The following PLA2G15 variants were observed in gnomAD, a reference collection of about 807,000 sequenced individuals.
PLA2G15 encodes lysosomal phospholipase A and acyltransferase.
PLA2G15 carries 20 observed loss-of-function variants against 40.9 expected under a neutral mutation model. That is an observed-to-expected ratio of 0.49 (90% CI 0.34 to 0.71). The LOEUF is 0.71. PLA2G15 is among the 30% of genes least tolerant of loss of function. The pLI, the probability that PLA2G15 is intolerant of heterozygous loss-of-function variation, is 0.01. For missense variants in PLA2G15, 471 were observed against 541.9 expected (o/e 0.87, Z 1.30); for synonymous variants, 223 against 228.2 (o/e 0.98, Z 0.21).
In PLA2G15 at chr16:68,260,117, A is replaced by C. The variant is rs1238413995; in HGVS notation, c.*460A>C. 6.0e-6 allele frequency: 1 copy of C among 165,558 alleles called. No homozygotes were observed. Among genetic ancestry groups the C allele is most frequent in the Non-Finnish European group, 1.3e-5 (1 of 75,654 alleles). 10.3% of individuals were successfully genotyped at this position (165,558 alleles called of 1,614,324 possible). On this transcript the variant is annotated 3_prime_UTR_variant, in exon 6 of 6. Transcript: ENST00000219345. ...CCTGGCCCCTCGGGTGACCCTTCCC[A>C]CACACCAGCCACAGATAGGCCTGCC... is the stretch of plus-strand genomic sequence containing the variant.
intron 1 of PLA2G15, 21 bp from the exon 2 acceptor site, chr16:68,249,269 C>T (rs376660465): frequency 1.9e-6 from 3 of 1,612,654 alleles, no homozygotes; most frequent in South Asian, 1.1e-5. Context: ...AGGGCTCACA[C>T]ATGTCCTGTG....
In PLA2G15 at chr16:68,260,027, G is replaced by A. The variant is rs568744796; in HGVS notation, c.*370G>A. ...TACTTGCCTACTGGGCCCTGGCCCC[G>A]CAGCCTTCCTATGAGGGATGTTACT... On this transcript the variant is annotated 3_prime_UTR_variant, in exon 6 of 6. Transcript: ENST00000219345. 27 of 274,330 alleles carry A rather than the reference G, an allele frequency of 9.8e-5. No individual in the cohort carries two copies. The highest frequency in any genetic ancestry group is 6.7e-4 in the South Asian group (15 of 22,298). The allele number at this position is 274,330 out of a possible 1,614,324, so 17.0% of individuals were successfully genotyped here.
chr16:68,259,715 C>T lies in PLA2G15; in HGVS notation c.*58C>T. 1.3e-6 allele frequency: 2 copies of T among 1,537,394 alleles called. No individual in the cohort carries two copies. Among genetic ancestry groups the T allele is most frequent in the Non-Finnish European group, 1.8e-6 (2 of 1,134,222 alleles). ...GTGGACCTGCTGTTGGCCTCTGGGG[C>T]TGTCATGGCCCACGCGTTTTGCAAA... On this transcript the variant is annotated 3_prime_UTR_variant, in exon 6 of 6. Coordinates refer to ENST00000219345, the MANE Select transcript of PLA2G15 (RefSeq NM_012320.4). This position sits in a 1 kb window ranked among gnomAD's most constrained non-coding sequence, Gnocchi z 6.5.
At chr16:68,252,850 G>T (rs1319036378) in intron 2 of PLA2G15, among the ~76,000 whole-genome samples, 2 of 152,078 alleles carry the variant, frequency 1.3e-5, no homozygotes, top group Non-Finnish European at 2.9e-5. Context: ...ACCTGGTGGT[G>T]CCTGCCTAGC....
In PLA2G15 at chr16:68,259,098, C is replaced by A; in HGVS notation, c.728-48C>A. 2 of 1,545,874 alleles carry A rather than the reference C, an allele frequency of 1.3e-6. No homozygotes were observed. The highest frequency in any genetic ancestry group is 1.7e-6 in the Non-Finnish European group (2 of 1,143,368). On this transcript the variant is annotated intron_variant, in intron 5 of 5. Transcript: ENST00000219345. This position sits in a 1 kb window ranked among gnomAD's most constrained non-coding sequence, Gnocchi z 6.5. Reference sequence around the variant, plus strand: ...GCCTGGTGGTGAACATGCTGCCCAACCAGCTGGCATTCCTAAGCACAGACT... The same window carrying A: ...GCCTGGTGGTGAACATGCTGCCCAAACAGCTGGCATTCCTAAGCACAGACT...
At chr16:68,258,990 T>A in intron 5 of PLA2G15, 156 bp from the exon 6 acceptor site, 1 of 637,362 alleles carries the variant, frequency 1.6e-6, no homozygotes, top group Non-Finnish European at 2.7e-6. Context: ...AAGGCAGGGA[T>A]GGGAGTCACA....
chr16:68,248,792 C>T lies in PLA2G15; in HGVS notation c.128-498C>T, dbSNP rs373782236. Reference sequence around the variant, plus strand: ...TCCCAGGCAGAGCTCCCATCGGGGTCCATTAACCATAGAAACCATGTGTAG... The same window carrying T: ...TCCCAGGCAGAGCTCCCATCGGGGTTCATTAACCATAGAAACCATGTGTAG... On this transcript the variant is annotated intron_variant, in intron 1 of 5. Transcript: ENST00000219345. 6 of 816,680 alleles carry T rather than the reference C, an allele frequency of 7.3e-6. No individual in the cohort carries two copies. The African/African-American group carries it at 1.1e-4, about 15-fold the overall frequency. The allele number at this position is 816,680 out of a possible 1,614,324, so 50.6% of individuals were successfully genotyped here. A position where few individuals can be genotyped will look rare whatever the true frequency, so the allele number is the denominator to read the frequency against.
intron 1 of PLA2G15, among the ~76,000 whole-genome samples, chr16:68,247,507 A>G (rs1177414384): frequency 6.6e-6 from 1 of 152,160 alleles, no homozygotes; most frequent in Non-Finnish European, 1.5e-5. Flanking sequence ...CAGCCTGACC[A>G]GGGTAAGGAG....
At chr16:68,253,450 C>A in intron 2 of PLA2G15, 1 of 438,112 alleles carries the variant, frequency 2.3e-6, no homozygotes, top group Admixed American at 2.4e-5. Flanking sequence ...AATCTCGGCT[C>A]ACTACACCTC....
rs946640352 is a variant in PLA2G15 at position 68,260,721 on chromosome 16, C to T, written c.*1064C>T. Reference sequence around the variant, plus strand: ...ATGGGACCCTGAGAGAGCCAGGGGTCCCCTGAGGCCCCCCTAGGGGCTTTC... The same window carrying T: ...ATGGGACCCTGAGAGAGCCAGGGGTTCCCTGAGGCCCCCCTAGGGGCTTTC... On this transcript the variant is annotated 3_prime_UTR_variant, in exon 6 of 6. Coordinates refer to ENST00000219345, the MANE Select transcript of PLA2G15 (RefSeq NM_012320.4). The T allele has an allele frequency of 1.3e-4, 20 of 152,220 alleles. No individual in the cohort carries two copies. The highest frequency in any genetic ancestry group is 2.4e-4 in the Non-Finnish European group (16 of 68,042). 9.4% of individuals were successfully genotyped at this position (152,220 alleles called of 1,614,324 possible). A position where few individuals can be genotyped will look rare whatever the true frequency, so the allele number is the denominator to read the frequency against.
chr16:68,247,695 G>A (rs185449059), intron 1 of PLA2G15, among the ~76,000 whole-genome samples: 15 of 152,336 alleles, frequency 9.8e-5, no homozygotes, highest in African/African-American at 2.9e-4. Flanking sequence ...GGCATGTGCC[G>A]CCCCTGCCTC....
intron 2 of PLA2G15, among the ~76,000 whole-genome samples, chr16:68,252,328 C>A (rs1188079080): frequency 1.3e-5 from 2 of 152,110 alleles, no homozygotes; most frequent in Non-Finnish European, 2.9e-5. Flanking sequence ...TCTAAGTGGG[C>A]AAGTGGGACT....
intron 2 of PLA2G15, among the ~76,000 whole-genome samples, chr16:68,251,800 C>T (rs1336260763): frequency 6.7e-6 from 1 of 148,908 alleles, no homozygotes; most frequent in Non-Finnish European, 1.5e-5. Flanking sequence ...GCAGAGGTTG[C>T]AGTGAGCAGA....
intron 5 of PLA2G15, among the ~76,000 whole-genome samples, chr16:68,258,502 C>CA (rs374239147): frequency 1.2e-4 from 18 of 150,718 alleles, no homozygotes; most frequent in East Asian, 9.7e-4. Flanking sequence ...GTGAGGAAAG[C>CA]AAAAAAAACA....
In PLA2G15 at chr16:68,245,406, C is replaced by T. The variant is rs779620825; in HGVS notation, c.-21C>T. 5.6e-6 allele frequency: 9 copies of T among 1,600,960 alleles called. No homozygotes were observed. The East Asian group carries it at 1.3e-4, about 24-fold the overall frequency. On this transcript the variant is annotated 5_prime_UTR_variant, in exon 1 of 6. Coordinates refer to ENST00000219345, the MANE Select transcript of PLA2G15 (RefSeq NM_012320.4). ...AGAGAGCTGAACCTGCATCCCGGACCTGCGGCGACCGTCGTACACCATGGG... is the reference window on the plus strand; with the variant it reads ...AGAGAGCTGAACCTGCATCCCGGACTTGCGGCGACCGTCGTACACCATGGG...
At chr16:68,248,902 C>T (rs1267136842) in intron 1 of PLA2G15, among the ~76,000 whole-genome samples, 1 of 152,182 alleles carries the variant, frequency 6.6e-6, no homozygotes, top group East Asian at 1.9e-4. Context: ...TGGGGAGTGA[C>T]TTCACCCTGA....
intron 1 of PLA2G15, among the ~76,000 whole-genome samples, chr16:68,247,751 C>T (rs1342663593): frequency 6.6e-6 from 1 of 152,234 alleles, no homozygotes; most frequent in Non-Finnish European, 1.5e-5. Context: ...GGAGGGCACG[C>T]CCTGTTCAGG....
intron 2 of PLA2G15, among the ~76,000 whole-genome samples, chr16:68,254,072 T>C (rs2042379640): frequency 6.6e-6 from 1 of 152,066 alleles, no homozygotes. Context: ...TGCAAGGAGA[T>C]GGAGCGATGG....
chr16:68,256,421 G>A (rs539618322), intron 5 of PLA2G15: 1 of 156,218 alleles, frequency 6.4e-6, no homozygotes, highest in South Asian at 2.0e-4. Context: ...CTGGATCTGG[G>A]GTTAATCAGA....
Sources: gnomAD v4.1 joint callset for allele counts (sites outside exome capture counted in the v4.1 genomes callset) on GRCh38, gnomAD v4.1.1 for gene constraint, Gnocchi (gnomAD v3.1) non-coding constraint, MANE v1.5 for transcripts, NCBI Gene and HGNC (gene_info 2026-07-23, HGNC 2026-07-21) for gene names.